The following LSM3 variants were observed in gnomAD, a reference collection of about 807,000 sequenced individuals.
The protein encoded by LSM3 is LSM3 homolog, U6 small nuclear RNA and mRNA degradation associated, also known as U6 snRNA-associated Sm-like protein LSm3.
In LSM3, 14 loss-of-function variants were observed where a neutral mutation model predicts 15.4. The observed-to-expected ratio is 0.91, with a 90% CI of 0.60 to 1.42. The LOEUF is 1.42. Among genes scored for constraint, LSM3 ranks in the 40% most tolerant of loss-of-function variants. The pLI is 0.00. For missense variants in LSM3, 88 were observed against 127.9 expected, an observed-to-expected ratio of 0.69 and a Z score of 1.50; for synonymous variants, 46 against 45.1, an observed-to-expected ratio of 1.02 and a Z score of -0.08.
At chr3:14,196,868 C>T (rs949142168) in intron 3 of LSM3, among the ~76,000 whole-genome samples, 1 of 152,228 alleles carries the variant, frequency 6.6e-6, no homozygotes, top group Non-Finnish European at 1.5e-5. Context: ...ACATAGGTTT[C>T]TGAGCTGTTT....
chr3:14,181,862 G>A lies in LSM3; in HGVS notation c.132+192G>A, dbSNP rs187639372. ...ACATTTTTTCTTTTAATAGAAATAC[G>A]TTTATTATAGAACATTTTTATTCCC... On this transcript the variant is annotated intron_variant, in intron 2 of 3. Transcript: ENST00000306024. Among the ~76,000 whole-genome samples, 44 of 152,180 alleles carry A rather than the reference G, an allele frequency of 2.9e-4. No homozygotes were observed. The South Asian group carries it at 4.6e-3, about 16-fold the overall frequency.
intron 3 of LSM3, among the ~76,000 whole-genome samples, chr3:14,186,806 T>C (rs576078149): frequency 1.3e-5 from 2 of 152,334 alleles, no homozygotes; most frequent in South Asian, 4.1e-4. Context: ...AAAATCTGAT[T>C]GCATCTTACA....
intron 1 of LSM3, among the ~76,000 whole-genome samples, chr3:14,179,132 C>G (rs1238225094): frequency 6.6e-6 from 1 of 152,200 alleles, no homozygotes. Flanking sequence ...TTATCCTTAG[C>G]TACCTCATGG....
chr3:14,194,596 A>G (rs1697171069), intron 3 of LSM3, among the ~76,000 whole-genome samples: 1 of 152,040 alleles, frequency 6.6e-6, no homozygotes, highest in Non-Finnish European at 1.5e-5. Flanking sequence ...TTCAGATTTC[A>G]TTGCAGGTTG....
intron 3 of LSM3, among the ~76,000 whole-genome samples, chr3:14,192,766 G>A (rs1272280497): frequency 6.6e-6 from 1 of 152,176 alleles, no homozygotes; most frequent in African/African-American, 2.4e-5. Flanking sequence ...GGGGCATTTA[G>A]CCCGTTTACA....
intron 3 of LSM3, among the ~76,000 whole-genome samples, chr3:14,193,021 A>C (rs1225373414): frequency 6.6e-6 from 1 of 152,114 alleles, no homozygotes; most frequent in South Asian, 2.1e-4. Context: ...GATTTTATTT[A>C]TCCTTCGCTT....
chr3:14,183,383 AAC>A (rs1340575659), intron 2 of LSM3, among the ~76,000 whole-genome samples: 1 of 152,208 alleles, frequency 6.6e-6, no homozygotes, highest in African/African-American at 2.4e-5. Flanking sequence ...ACAGGTACTA[AAC>A]ACATTTAAGT....
intron 3 of LSM3, among the ~76,000 whole-genome samples, chr3:14,186,953 A>G (rs908307803): frequency 6.6e-6 from 1 of 152,228 alleles, no homozygotes; most frequent in African/African-American, 2.4e-5. Context: ...TGCTTTATTC[A>G]TGTAACATCA....
intron 3 of LSM3, among the ~76,000 whole-genome samples, chr3:14,194,165 G>A (rs1175236728): frequency 6.6e-6 from 1 of 152,220 alleles, no homozygotes; most frequent in Non-Finnish European, 1.5e-5. Flanking sequence ...CCAGATGCCA[G>A]CCAGAGCTCT....
chr3:14,195,346 A>G (rs897946145), intron 3 of LSM3, among the ~76,000 whole-genome samples: 1 of 152,180 alleles, frequency 6.6e-6, no homozygotes, highest in African/African-American at 2.4e-5. Context: ...TTGTGTGCCC[A>G]GGAAGGAAGA....
intron 3 of LSM3, among the ~76,000 whole-genome samples, chr3:14,184,673 C>T (rs12490539): frequency 0.4 from 60,130 of 148,908 alleles, 12,819 homozygotes; most frequent in Non-Finnish European, 0.47. Flanking sequence ...AGGAGAATGG[C>T]GTGAACCCGG....
chr3:14,184,755 T>C (rs1470590526), intron 3 of LSM3, among the ~76,000 whole-genome samples: 1 of 142,516 alleles, frequency 7.0e-6, no homozygotes, highest in Non-Finnish European at 1.5e-5. Flanking sequence ...AGACTCCGTC[T>C]CAAAAAAAAA....
chr3:14,195,405 C>T (rs188589586), intron 3 of LSM3, among the ~76,000 whole-genome samples: 4 of 152,118 alleles, frequency 2.6e-5, no homozygotes, highest in African/African-American at 7.2e-5. Context: ...CTGCTCCCCC[C>T]CACCCACACT....
chr3:14,199,447 A>C lies in LSM3; in HGVS notation c.*1331A>C, dbSNP rs1697215476. On this transcript the variant is annotated 3_prime_UTR_variant, in exon 4 of 4. Transcript: ENST00000306024. ...ATGAGCTGAATGTGTGTGCGTGTTCATTATCAAGCACGATATGCTCACAAA... is the reference window on the plus strand; with the variant it reads ...ATGAGCTGAATGTGTGTGCGTGTTCCTTATCAAGCACGATATGCTCACAAA... 6.6e-6 allele frequency: 1 copy of C among 152,246 alleles called. No homozygotes were observed. The highest frequency in any genetic ancestry group is 2.4e-5 in the African/African-American group (1 of 41,474). 9.4% of individuals were successfully genotyped at this position (152,246 alleles called of 1,614,324 possible).
At chr3:14,180,620 T>G (rs1697025171) in intron 1 of LSM3, among the ~76,000 whole-genome samples, 2 of 151,992 alleles carry the variant, frequency 1.3e-5, no homozygotes, top group African/African-American at 4.8e-5. Flanking sequence ...TAATATTTTC[T>G]GTTTTCCTGG....
At chr3:14,180,821 C>T (rs2607738) in intron 1 of LSM3, among the ~76,000 whole-genome samples, 15,031 of 47,262 alleles carry the variant, frequency 0.32, 2,191 homozygotes, top group South Asian at 0.41. Context: ...GCTTGCTTGC[C>T]TTTTTTTTTT....
At position 14,181,580 on chromosome 3, in the gene LSM3, A is replaced by G. The variant is rs1697039101; in HGVS notation, c.42A>G (p.Val14=). The change falls in exon 2 of 4, where the codon GTA becomes GTG. Residue 14 remains valine (V), a synonymous_variant. Transcript: ENST00000306024. ...ATCAGCAACAAACTACCAACACTGTAGAGGAGCCCCTGGATCTTATCAGGC... is the reference window on the plus strand; with the variant it reads ...ATCAGCAACAAACTACCAACACTGTGGAGGAGCCCCTGGATCTTATCAGGC... ...DVDQQQTTNT[V]EEPLDLIRLS... The G allele has an allele frequency of 6.2e-7, 1 of 1,612,608 alleles. No individual in the cohort carries two copies. The highest frequency in any genetic ancestry group is 8.5e-7 in the Non-Finnish European group (1 of 1,178,706).
chr3:14,184,536 C>T (rs1444998920), intron 3 of LSM3, among the ~76,000 whole-genome samples: 13 of 150,984 alleles, frequency 8.6e-5, no homozygotes, highest in African/African-American at 2.4e-4. Flanking sequence ...GGGCGGATCA[C>T]GAGGTCAGGA....
chr3:14,181,794 A>G (rs553268329), intron 2 of LSM3, 124 bp downstream of exon 2: 14 of 667,630 alleles, frequency 2.1e-5, no homozygotes, highest in South Asian at 1.5e-4. Flanking sequence ...AAAGTCACCC[A>G]TATCACATAA....
Sources: allele counts gnomAD v4.1 joint callset (sites outside exome capture counted in the v4.1 genomes callset), GRCh38; gene constraint gnomAD v4.1.1; transcripts MANE v1.5; gene names NCBI Gene and HGNC (gene_info 2026-07-23, HGNC 2026-07-21).